The following CEP85L variants were observed in gnomAD, a reference collection of about 807,000 sequenced individuals.
CEP85L encodes centrosomal protein of 85 kDa-like.
CEP85L carries 60 observed loss-of-function variants against 100.3 expected under a neutral mutation model. That is an observed-to-expected ratio of 0.60 (90% CI 0.49 to 0.74). The LOEUF is 0.74. Among genes scored for constraint, CEP85L ranks in the 30% least tolerant of loss-of-function variants. The pLI is 0.00. For synonymous variants in CEP85L, 319 were observed against 322.7 expected (o/e 0.99, Z 0.12); for missense variants, 973 against 936.2 (o/e 1.04, Z -0.51).
chr6:118,631,592 G>A (rs187516549), intron 2 of CEP85L, among the ~76,000 whole-genome samples: 75 of 152,198 alleles, frequency 4.9e-4, no homozygotes, highest in African/African-American at 1.8e-3. Context: ...TAGGTAAATG[G>A]TTAAAGTGTA....
chr6:118,592,536 T>C (rs1022884938), intron 2 of CEP85L, among the ~76,000 whole-genome samples: 30 of 152,144 alleles, frequency 2.0e-4, no homozygotes, highest in Non-Finnish European at 3.2e-4. Flanking sequence ...TGAATATCCA[T>C]TATCAGAGTC....
intron 1 of CEP85L, among the ~76,000 whole-genome samples, chr6:118,678,213 C>T (rs1344927134): frequency 6.6e-6 from 1 of 152,228 alleles, no homozygotes; most frequent in Non-Finnish European, 1.5e-5. Flanking sequence ...AAAGGTTGCT[C>T]AGCCCACCCG....
chr6:118,530,034 A>G (rs183730230), intron 3 of CEP85L, among the ~76,000 whole-genome samples: 3 of 152,304 alleles, frequency 2.0e-5, no homozygotes, highest in African/African-American at 4.8e-5. Flanking sequence ...GCCAAAAAAA[A>G]TCATTAAATA....
At chr6:118,572,272 TA>T (rs572307069) in intron 2 of CEP85L, among the ~76,000 whole-genome samples, 50,179 of 107,380 alleles carry the variant, frequency 0.47, 11,329 homozygotes, top group African/African-American at 0.5. Flanking sequence ...ACCCATTCTT[TA>T]AAAAAAAAAA....
intron 2 of CEP85L, among the ~76,000 whole-genome samples, chr6:118,596,024 T>C (rs974671125): frequency 5.9e-5 from 9 of 152,184 alleles, no homozygotes; most frequent in African/African-American, 9.7e-5. Context: ...TTATGTGACA[T>C]GGTAATTCTC....
chr6:118,561,751 C>T (rs953952877), intron 3 of CEP85L, among the ~76,000 whole-genome samples: 4 of 152,070 alleles, frequency 2.6e-5, no homozygotes, highest in Non-Finnish European at 5.9e-5. Context: ...ACAATTGATA[C>T]TAACGATAAA....
chr6:118,655,032 TATG>T (rs1562343409), upstream of CEP85L, among the ~76,000 whole-genome samples: 1 of 152,182 alleles, frequency 6.6e-6, no homozygotes, highest in African/African-American at 2.4e-5. Context: ...GTCCAGGAAT[TATG>T]GTGAAATAGT....
At chr6:118,466,623 C>T (rs994894452) in intron 12 of CEP85L, among the ~76,000 whole-genome samples, 1 of 152,082 alleles carries the variant, frequency 6.6e-6, no homozygotes, top group Non-Finnish European at 1.5e-5. Context: ...ATTTGAGAAA[C>T]CTCAAGAAAA....
At chr6:118,522,464 CTAA>C (rs1375192332) in intron 4 of CEP85L, among the ~76,000 whole-genome samples, 1 of 152,190 alleles carries the variant, frequency 6.6e-6, no homozygotes, top group African/African-American at 2.4e-5. Context: ...CCAGAAACAA[CTAA>C]TATTTTTAAG....
chr6:118,465,179 G>T lies in CEP85L; in HGVS notation c.*226C>A. 2.2e-6 allele frequency: 1 copy of T among 458,866 alleles called. No homozygotes were observed. The highest frequency in any genetic ancestry group is 2.0e-5 in the African/African-American group (1 of 49,842). The allele number at this position is 458,866 out of a possible 1,614,324, so 28.4% of individuals were successfully genotyped here. On this transcript the variant is annotated 3_prime_UTR_variant, in exon 13 of 13. Transcript: ENST00000368491. ...TGAGAATATAGACATTTTTTTCCTTGTAGATTTTATCATATTTTCCAAAGG... is the reference window on the plus strand; with the variant it reads ...TGAGAATATAGACATTTTTTTCCTTTTAGATTTTATCATATTTTCCAAAGG...
intron 2 of CEP85L, among the ~76,000 whole-genome samples, chr6:118,624,497 T>C (rs772482492): frequency 1.1e-4 from 16 of 152,180 alleles, no homozygotes; most frequent in Non-Finnish European, 4.4e-5. Flanking sequence ...GTATTCTTTC[T>C]GCCACCTCTT....
rs1777931204 is a variant in CEP85L at position 118,542,164 on chromosome 6, A to T, written c.1021-18244T>A. ...CAAATTATGGTGTATTATATGCCAAACTCACATTTACATAGTAAAAATAAG... is the reference window on the plus strand; with the variant it reads ...CAAATTATGGTGTATTATATGCCAATCTCACATTTACATAGTAAAAATAAG... On this transcript the variant is annotated intron_variant, in intron 3 of 12. Transcript: ENST00000368491. Among the ~76,000 whole-genome samples the T allele has an allele frequency of 2.0e-5, 3 of 152,302 alleles. No homozygotes were observed. The South Asian group carries it at 6.2e-4, about 32-fold the overall frequency.
intron 1 of CEP85L, among the ~76,000 whole-genome samples, chr6:118,648,695 T>TC (rs1174593556): frequency 6.9e-6 from 1 of 145,148 alleles, no homozygotes; most frequent in East Asian, 2.0e-4. Flanking sequence ...TGAGCCGAGA[T>TC]CGCGCCACTA....
chr6:118,502,925 G>T, intron 5 of CEP85L: 1 of 431,596 alleles, frequency 2.3e-6, no homozygotes, highest in South Asian at 2.8e-5. Flanking sequence ...TGGACCTAGT[G>T]GGAGTTGAGG....
At chr6:118,626,636 G>A (rs1378359274) in intron 2 of CEP85L, among the ~76,000 whole-genome samples, 1 of 152,082 alleles carries the variant, frequency 6.6e-6, no homozygotes, top group Admixed American at 6.6e-5. Flanking sequence ...GCTAGCAGTG[G>A]CAACCCATTT....
chr6:118,482,978 A>C (rs914624504), intron 7 of CEP85L, among the ~76,000 whole-genome samples: 1 of 152,198 alleles, frequency 6.6e-6, no homozygotes, highest in Non-Finnish European at 1.5e-5. Context: ...GATAAACGAG[A>C]AGGAGCACTG....
intron 2 of CEP85L, among the ~76,000 whole-genome samples, chr6:118,584,387 T>C (rs2115091094): frequency 1.3e-5 from 2 of 152,266 alleles, no homozygotes; most frequent in Non-Finnish European, 2.9e-5. Context: ...TTTTGGGGCA[T>C]TACAGGATTT....
chr6:118,662,547 AAAG>A (rs1326604947), intron 1 of CEP85L, among the ~76,000 whole-genome samples: 2 of 152,064 alleles, frequency 1.3e-5, no homozygotes, highest in African/African-American at 4.8e-5. Flanking sequence ...AAAAAAAAAA[AAAG>A]AATAGTATGA....
chr6:118,665,539 T>C (rs1776107690), intron 1 of CEP85L, among the ~76,000 whole-genome samples: 1 of 151,794 alleles, frequency 6.6e-6, no homozygotes, highest in African/African-American at 2.4e-5. Context: ...TTGTGTTTTT[T>C]ATAGAGATGG....
Sources: allele counts gnomAD v4.1 joint callset (sites outside exome capture counted in the v4.1 genomes callset), GRCh38; gene constraint gnomAD v4.1.1; transcripts MANE v1.5; gene names NCBI Gene and HGNC (gene_info 2026-07-23, HGNC 2026-07-21).